The following PRP4K variants were observed in gnomAD, a reference collection of about 807,000 sequenced individuals.
PRP4K encodes serine/threonine-protein kinase PRP4 homolog.
At chr6:4,021,302 A>C in the PRP4K span, 2 of 1,335,886 alleles carry the variant, frequency 1.5e-6, no homozygotes, top group South Asian at 1.3e-5. Flanking sequence ...GCGGACTCAG[A>C]ACCCAGCTCT....
At chr6:4,031,189 G>A in the PRP4K span, among the ~76,000 whole-genome samples, 1 of 152,154 alleles carries the variant, frequency 6.6e-6, no homozygotes, top group Non-Finnish European at 1.5e-5. Context: ...TGTGAGAAAT[G>A]TTGGTTTAAA....
the PRP4K span, chr6:4,057,298 G>C: frequency 9.3e-7 from 1 of 1,076,556 alleles, no homozygotes; most frequent in Non-Finnish European, 1.3e-6. Flanking sequence ...CAGAAAGGTG[G>C]GTAGATGGCT....
chr6:4,051,635 A>G, the PRP4K span, among the ~76,000 whole-genome samples: 1 of 152,218 alleles, frequency 6.6e-6, no homozygotes, highest in Non-Finnish European at 1.5e-5. Context: ...GATAAAATAT[A>G]CAAGATTGAT....
At chr6:4,027,745 C>G in the PRP4K span, among the ~76,000 whole-genome samples, 1 of 152,004 alleles carries the variant, frequency 6.6e-6, no homozygotes, top group Admixed American at 6.6e-5. Flanking sequence ...GATCACTTGC[C>G]AAGACCACAC....
At chr6:4,037,346 A>G in the PRP4K span, 3 of 1,459,080 alleles carry the variant, frequency 2.1e-6, no homozygotes, top group Admixed American at 2.3e-5. Context: ...ATAGAAAAAA[A>G]TCATTTACTT....
chr6:4,052,848 C>G, the PRP4K span: 1 of 1,612,454 alleles, frequency 6.2e-7, no homozygotes, highest in Non-Finnish European at 8.5e-7. Context: ...ATCCTACATG[C>G]AGATATCAAG....
At chr6:4,057,218 C>T in the PRP4K span, 1 of 1,589,876 alleles carries the variant, frequency 6.3e-7, no homozygotes. Context: ...TCTTTAAGGT[C>T]TTAGTTTCTT....
chr6:4,052,918 T>G, the PRP4K span: 3 of 1,521,506 alleles, frequency 2.0e-6, no homozygotes, highest in Middle Eastern at 3.5e-4. Flanking sequence ...GAACATACAT[T>G]TCACTTCTTA....
chr6:4,044,030 G>C, the PRP4K span: 1 of 1,610,724 alleles, frequency 6.2e-7, no homozygotes, highest in East Asian at 2.2e-5. Context: ...AATGGTGAGA[G>C]AGTTTTGTCC....
the PRP4K span, chr6:4,048,942 T>C: frequency 1.0e-6 from 1 of 990,506 alleles, no homozygotes; most frequent in South Asian, 1.6e-5. Flanking sequence ...GGTGTTACCC[T>C]TTTGTGTTTT....
chr6:4,024,630 C>T, the PRP4K span, among the ~76,000 whole-genome samples: 1 of 151,576 alleles, frequency 6.6e-6, no homozygotes. Context: ...TTTTTGAGAC[C>T]GAGTCTCTGT....
the PRP4K span, among the ~76,000 whole-genome samples, chr6:4,021,902 C>A: frequency 6.6e-6 from 1 of 152,184 alleles, no homozygotes; most frequent in Non-Finnish European, 1.5e-5. Flanking sequence ...TCATGCGGTA[C>A]CCCCAGTCGT....
At chr6:4,044,394 C>G in the PRP4K span, among the ~76,000 whole-genome samples, 1 of 152,044 alleles carries the variant, frequency 6.6e-6, no homozygotes, top group East Asian at 1.9e-4. Context: ...TTTGGTTACC[C>G]CAAAAGATAG....
At chr6:4,039,446 C>G in the PRP4K span, among the ~76,000 whole-genome samples, 3 of 152,160 alleles carry the variant, frequency 2.0e-5, no homozygotes, top group African/African-American at 7.2e-5. Context: ...CTCTCAGCAT[C>G]TGGAGTGACC....
At chr6:4,033,355 T>C in the PRP4K span, among the ~76,000 whole-genome samples, 4 of 152,192 alleles carry the variant, frequency 2.6e-5, no homozygotes, top group African/African-American at 7.2e-5. Flanking sequence ...GAAATTATTT[T>C]GTACTATTTG....
At chr6:4,043,114 A>G in the PRP4K span, among the ~76,000 whole-genome samples, 113 of 152,338 alleles carry the variant, frequency 7.4e-4, no homozygotes, top group Middle Eastern at 3.4e-3. Flanking sequence ...GAAGGTTGTC[A>G]GCTCTTCCTT....
the PRP4K span, among the ~76,000 whole-genome samples, chr6:4,055,723 T>C: frequency 1.1e-4 from 17 of 152,236 alleles, no homozygotes; most frequent in Non-Finnish European, 1.8e-4. Context: ...ATGACTAATA[T>C]AGAGTTCATG....
At chr6:4,048,485 A>G in the PRP4K span, among the ~76,000 whole-genome samples, 1 of 152,038 alleles carries the variant, frequency 6.6e-6, no homozygotes, top group Admixed American at 6.5e-5. Context: ...CATTTCATGC[A>G]TGTATGGGAA....
the PRP4K span, among the ~76,000 whole-genome samples, chr6:4,041,477 TG>T: frequency 1.3e-3 from 195 of 152,134 alleles, no homozygotes; most frequent in African/African-American, 4.2e-3. Context: ...CACTTGACCC[TG>T]GGGGGAGAAG....
Sources: allele counts gnomAD v4.1 joint callset (sites outside exome capture counted in the v4.1 genomes callset), GRCh38; gene constraint gnomAD v4.1.1; transcripts MANE v1.5; gene names NCBI Gene and HGNC (gene_info 2026-07-23, HGNC 2026-07-21).